Variants in TRAPPC10 observed in about 807,000 individuals in gnomAD.
TRAPPC10 encodes the protein TRAPP 130 kDa subunit.
TRAPPC10 carries 23 observed loss-of-function variants against 125.5 expected under a neutral mutation model. The observed-to-expected ratio is 0.18, with a 90% CI of 0.13 to 0.26. The LOEUF is 0.26. Ranked by LOEUF, TRAPPC10 falls within the 10% of genes least tolerant of loss-of-function variation. TRAPPC10 has a pLI of 1.00. For synonymous variants in TRAPPC10, 509 were observed against 518.0 expected, an observed-to-expected ratio of 0.98 and a Z score of 0.24; for missense variants, 1,123 against 1,308.4, an observed-to-expected ratio of 0.86 and a Z score of 2.19.
intron 15 of TRAPPC10, among the ~76,000 whole-genome samples, chr21:44,086,160 G>A (rs1282294086): frequency 2.0e-5 from 3 of 152,244 alleles, no homozygotes; most frequent in South Asian, 2.1e-4. Flanking sequence ...CCCAGCGGCT[G>A]CAGTGCCAGG....
At chr21:44,031,746 T>C (rs573480373) in intron 1 of TRAPPC10, among the ~76,000 whole-genome samples, 2 of 152,332 alleles carry the variant, frequency 1.3e-5, no homozygotes, top group Non-Finnish European at 2.9e-5. Context: ...TGGGAGAAAG[T>C]GGAGGCTGTA....
intron 2 of TRAPPC10, among the ~76,000 whole-genome samples, chr21:44,033,578 A>G (rs1023525078): frequency 4.6e-5 from 7 of 152,232 alleles, no homozygotes; most frequent in Admixed American, 2.0e-4. Flanking sequence ...GAAACTATGT[A>G]GGCCCGGCAT....
In TRAPPC10 at chr21:44,052,298, G is replaced by T. The variant is rs757430709; in HGVS notation, c.304G>T (p.Ala102Ser). 1 of 1,601,178 alleles carries T rather than the reference G, an allele frequency of 6.2e-7. No individual in the cohort carries two copies. Among genetic ancestry groups the T allele is most frequent in the Non-Finnish European group, 8.5e-7 (1 of 1,176,494 alleles). The change falls in exon 4 of 23, where the codon GCT becomes TCT. Residue 102 changes from alanine to serine, a missense_variant. This residue lies in a region of TRAPPC10 where 177 missense variants were observed against 228.9 expected (regional missense o/e 0.77). Coordinates refer to ENST00000291574, the MANE Select transcript of TRAPPC10 (RefSeq NM_003274.5). Reference protein sequence around the residue: ...TECCDTEVYKATVKDDLTKWQ... With the variant: ...TECCDTEVYKSTVKDDLTKWQ... Reference sequence around the variant, plus strand: ...TTTTTAGGATACCGAAGTGTATAAAGCTACAGTAAAAGATGACCTCACCAA... The same window carrying T: ...TTTTTAGGATACCGAAGTGTATAAATCTACAGTAAAAGATGACCTCACCAA...
intron 1 of TRAPPC10, among the ~76,000 whole-genome samples, chr21:44,027,516 G>A (rs2033176981): frequency 6.6e-6 from 1 of 152,210 alleles, no homozygotes; most frequent in African/African-American, 2.4e-5. Flanking sequence ...TTGGGAAGGA[G>A]CACTGGGCAG....
At chr21:44,047,633 T>C (rs2034949641) in intron 3 of TRAPPC10, among the ~76,000 whole-genome samples, 1 of 152,016 alleles carries the variant, frequency 6.6e-6, no homozygotes, top group Non-Finnish European at 1.5e-5. Flanking sequence ...TAGTCCTTTT[T>C]CCCTTTTTCT....
At chr21:44,085,048 T>C (rs957959135) in intron 15 of TRAPPC10, among the ~76,000 whole-genome samples, 2 of 152,176 alleles carry the variant, frequency 1.3e-5, no homozygotes, top group South Asian at 4.1e-4. Flanking sequence ...TACACAGGCA[T>C]GATCGATTAC....
At chr21:44,033,274 A>T (rs1431329168) in intron 2 of TRAPPC10, among the ~76,000 whole-genome samples, 1 of 152,200 alleles carries the variant, frequency 6.6e-6, no homozygotes, top group Non-Finnish European at 1.5e-5. Flanking sequence ...TTTGTGCCTT[A>T]GTAACATGAG....
chr21:44,074,457 A>G lies in TRAPPC10; in HGVS notation c.1172A>G (p.Tyr391Cys), dbSNP rs763927095. 3 of 1,614,210 alleles carry G rather than the reference A, an allele frequency of 1.9e-6. No individual in the cohort carries two copies. The highest frequency in any genetic ancestry group is 2.5e-6 in the Non-Finnish European group (3 of 1,180,030). The change falls in exon 8 of 23, where the codon TAT becomes TGT. Residue 391 changes from tyrosine to cysteine, a missense_variant. Physicochemically the swap from Tyr to Cys is radical, Grantham distance 194. Coordinates refer to ENST00000291574, the MANE Select transcript of TRAPPC10 (RefSeq NM_003274.5). ...GCCCACACTGTGGGGCTATGGAGCT[A>G]TGCCACAGAAAAGGTGCCTACCTGC... Reference protein sequence around the residue: ...NIAHTVGLWSYATEKLKSLGY... With the variant: ...NIAHTVGLWSCATEKLKSLGY...
chr21:44,071,925 G>T (rs886542378), intron 7 of TRAPPC10, among the ~76,000 whole-genome samples: 19 of 152,138 alleles, frequency 1.2e-4, no homozygotes, highest in Non-Finnish European at 2.4e-4. Flanking sequence ...GTTCCTTGGC[G>T]TGGGTGTGTG....
At chr21:44,055,590 AAAAG>A in intron 4 of TRAPPC10, 104 bp from the exon 5 acceptor site, 1 of 907,642 alleles carries the variant, frequency 1.1e-6, no homozygotes, top group Non-Finnish European at 1.6e-6. Context: ...AAAAAAAAAA[AAAAG>A]GAGGAGGAAG....
At position 44,072,449 on chromosome 21, in the gene TRAPPC10, G is replaced by A. The variant is rs575349323; in HGVS notation, c.1039-1875G>A. The stretch of plus-strand genomic sequence containing the variant: ...TCTTCCTGCTTTGTAAGAGTCTCTC[G>A]TGGTCTCCTAGGAGGTGTTTGTTTG... On this transcript the variant is annotated intron_variant, in intron 7 of 22. Coordinates refer to ENST00000291574, the MANE Select transcript of TRAPPC10 (RefSeq NM_003274.5). Among the ~76,000 whole-genome samples the A allele has an allele frequency of 5.9e-5, 9 of 152,142 alleles. No homozygotes were observed. The East Asian group carries it at 1.7e-3, about 29-fold the overall frequency.
At chr21:44,065,119 T>A (rs2145935719) in intron 7 of TRAPPC10, among the ~76,000 whole-genome samples, 1 of 152,312 alleles carries the variant, frequency 6.6e-6, no homozygotes, top group South Asian at 2.1e-4. Flanking sequence ...ATTGAAGTAT[T>A]CAAGTCCAAA....
At chr21:44,031,706 G>A (rs929881397) in intron 1 of TRAPPC10, among the ~76,000 whole-genome samples, 2 of 152,208 alleles carry the variant, frequency 1.3e-5, no homozygotes, top group African/African-American at 4.8e-5. Flanking sequence ...TGAAGTTTTG[G>A]TTTCTTTTTC....
chr21:44,029,339 C>T (rs892712233), intron 1 of TRAPPC10, among the ~76,000 whole-genome samples: 2 of 152,174 alleles, frequency 1.3e-5, no homozygotes, highest in Non-Finnish European at 2.9e-5. Flanking sequence ...TGTGATCCAC[C>T]CACCTCGGCC....
At chr21:44,045,964 C>CT (rs1476237257) in intron 3 of TRAPPC10, among the ~76,000 whole-genome samples, 1 of 147,496 alleles carries the variant, frequency 6.8e-6, no homozygotes, top group Admixed American at 6.7e-5. Context: ...TTTTTTTTTT[C>CT]TTTTTTGTGG....
chr21:44,065,007 T>G (rs2036334424), intron 7 of TRAPPC10, among the ~76,000 whole-genome samples: 1 of 152,158 alleles, frequency 6.6e-6, no homozygotes. Flanking sequence ...GACGGGGCTG[T>G]GAGGGAACCA....
At chr21:44,093,091 C>G (rs1473212110) in intron 19 of TRAPPC10, among the ~76,000 whole-genome samples, 3 of 152,226 alleles carry the variant, frequency 2.0e-5, no homozygotes, top group Non-Finnish European at 2.9e-5. Context: ...GCCACCACCT[C>G]TAGCCAAGAT....
intron 2 of TRAPPC10, among the ~76,000 whole-genome samples, chr21:44,036,069 G>A (rs1212781690): frequency 6.6e-6 from 1 of 152,118 alleles, no homozygotes; most frequent in African/African-American, 2.4e-5. Flanking sequence ...AAAGTGGAGG[G>A]AACAGAGGAC....
intron 1 of TRAPPC10, among the ~76,000 whole-genome samples, chr21:44,019,181 C>G (rs1459113456): frequency 1.3e-5 from 2 of 152,102 alleles, no homozygotes; most frequent in Non-Finnish European, 2.9e-5. Flanking sequence ...CTCAATCTCC[C>G]GAGTAGCTGC....
Sources: gnomAD v4.1 joint callset for allele counts (sites outside exome capture counted in the v4.1 genomes callset) on GRCh38, gnomAD v4.1.1 for gene constraint, gnomAD v4.1.1 regional missense constraint, MANE v1.5 for transcripts, NCBI Gene and HGNC (gene_info 2026-07-23, HGNC 2026-07-21) for gene names.